Variants in BCAS3 observed in about 807,000 individuals in gnomAD.
BCAS3 encodes the protein BCAS3 microtubule associated cell migration factor.
BCAS3 carries 53 observed loss-of-function variants against 116.1 expected under a neutral mutation model. The observed-to-expected ratio is 0.46, with a 90% CI of 0.37 to 0.57. BCAS3 has a LOEUF of 0.57. BCAS3 is among the 20% of genes least tolerant of loss of function. The pLI is 0.00. For synonymous variants in BCAS3, 391 were observed against 408.2 expected, an observed-to-expected ratio of 0.96 and a Z score of 0.51; for missense variants, 917 against 1,165.4, an observed-to-expected ratio of 0.79 and a Z score of 3.10.
intron 22 of BCAS3, among the ~76,000 whole-genome samples, chr17:61,201,194 A>G (rs2080796579): frequency 6.6e-6 from 1 of 152,260 alleles, no homozygotes; most frequent in South Asian, 2.1e-4. Context: ...ATTCGCAGGT[A>G]TCTGCTAGAG....
chr17:60,771,890 CT>C (rs1296361863), intron 6 of BCAS3, among the ~76,000 whole-genome samples: 3 of 152,124 alleles, frequency 2.0e-5, no homozygotes, highest in Non-Finnish European at 4.4e-5. Context: ...TGAGCTCATC[CT>C]TTTTTATGGC....
intron 23 of BCAS3, among the ~76,000 whole-genome samples, chr17:61,371,449 C>T (rs578075453): frequency 2.6e-5 from 4 of 152,238 alleles, no homozygotes; most frequent in Non-Finnish European, 5.9e-5. Context: ...TGAAGGATAG[C>T]TTTGGTCAAA....
At chr17:60,919,998 A>T (rs939114347) in intron 12 of BCAS3, among the ~76,000 whole-genome samples, 1 of 152,164 alleles carries the variant, frequency 6.6e-6, no homozygotes, top group Non-Finnish European at 1.5e-5. Flanking sequence ...GCAAACTTAA[A>T]ATCCAGTTAT....
intron 9 of BCAS3, among the ~76,000 whole-genome samples, chr17:60,876,744 TGAG>T (rs970765577): frequency 2.5e-4 from 38 of 152,276 alleles, no homozygotes; most frequent in African/African-American, 9.1e-4. Flanking sequence ...CTGCCTCTCT[TGAG>T]GCACTTACAT....
Position 61,078,499 on chromosome 17 carries a change from A to G in BCAS3, c.2297A>G (p.Asp766Gly), listed in dbSNP as rs147900116. The G allele has an allele frequency of 6.2e-7, 1 of 1,614,108 alleles. No homozygotes were observed. Among genetic ancestry groups the G allele is most frequent in the Admixed American group, 1.7e-5 (1 of 60,020 alleles). The change falls in exon 21 of 24, where the codon GAT becomes GGT. Residue 766 changes from aspartate (D) to glycine (G), a missense_variant. Asp to Gly is a moderately conservative substitution (Grantham distance 94). Coordinates refer to ENST00000407086, the MANE Select transcript of BCAS3 (RefSeq NM_017679.5). ...SDTPQPLLDF[D>G]TDDLDLNSLR... is the part of the protein sequence containing the mutation. Reference sequence around the variant, plus strand: ...ACGCCACAGCCTCTTTTGGATTTTGATACAGATGATCTTGATCTCAACAGT... The same window carrying G: ...ACGCCACAGCCTCTTTTGGATTTTGGTACAGATGATCTTGATCTCAACAGT...
intron 15 of BCAS3, among the ~76,000 whole-genome samples, chr17:61,000,068 T>C (rs1178846022): frequency 3.3e-5 from 5 of 152,212 alleles, no homozygotes; most frequent in Non-Finnish European, 7.4e-5. Flanking sequence ...AATCATATTG[T>C]TGGTAAAGAG....
chr17:60,937,972 C>G (rs2060021698), intron 13 of BCAS3, among the ~76,000 whole-genome samples: 1 of 152,148 alleles, frequency 6.6e-6, no homozygotes, highest in African/African-American at 2.4e-5. Context: ...ACACCAGAAA[C>G]TAACACTCAT....
chr17:60,847,980 C>G (rs1457615332), intron 7 of BCAS3, among the ~76,000 whole-genome samples: 1 of 152,128 alleles, frequency 6.6e-6, no homozygotes, highest in Non-Finnish European at 1.5e-5. Context: ...TGGGTTAGAA[C>G]TATTTTGAGT....
chr17:60,836,049 AC>A (rs1470742762), intron 7 of BCAS3, among the ~76,000 whole-genome samples: 13 of 152,120 alleles, frequency 8.5e-5, no homozygotes, highest in African/African-American at 3.1e-4. Flanking sequence ...TTTTAGGGTC[AC>A]AGCAAAATTG....
Position 60,708,840 on chromosome 17 carries a change from A to G in BCAS3, c.215-379A>G, listed in dbSNP as rs375143778. ...ACCGGGCCCAGCCTATTTATTTGAA[A>G]TAGAGACAGGATCTTGCTGTGTTGC... On this transcript the variant is annotated intron_variant, in intron 4 of 23. Coordinates refer to ENST00000407086, the MANE Select transcript of BCAS3 (RefSeq NM_017679.5). Among the ~76,000 whole-genome samples, 16 of 152,192 alleles carry G rather than the reference A, an allele frequency of 1.1e-4. No homozygotes were observed. The South Asian group carries it at 3.3e-3, about 32-fold the overall frequency.
In BCAS3 at chr17:61,171,796, A is replaced by C. The variant is rs2078855397; in HGVS notation, c.2425+87232A>C. ...CCACCATGCCCTGCTAATTAAAAAA[A>C]AATTTTTTTTTTTTTTTGTAGAAAT... On this transcript the variant is annotated intron_variant, in intron 22 of 23. Transcript: ENST00000407086. The surrounding 1 kb of genome is among the most constrained non-coding windows in gnomAD (Gnocchi z 4.1). 6.6e-6 allele frequency among the ~76,000 whole-genome samples: 1 copy of C among 151,652 alleles called. No homozygotes were observed.
In BCAS3 at chr17:61,026,931, G is replaced by A. The variant is rs376852867; in HGVS notation, c.1638-7735G>A. 2.9e-4 allele frequency: 468 copies of A among 1,590,764 alleles called. 3 individuals carry two copies. The highest frequency in any genetic ancestry group is 1.7e-5 in the Admixed American group (1 of 57,598). ...CCATGGTGAGTTCCAGTTCAGTCCC[G>A]CATGCCTCATTCATTTGCTGTACTC... On this transcript the variant is annotated intron_variant, in intron 16 of 23. Transcript: ENST00000407086. This position sits in a 1 kb window ranked among gnomAD's most constrained non-coding sequence, Gnocchi z 5.0.
intron 22 of BCAS3, among the ~76,000 whole-genome samples, chr17:61,153,993 A>C (rs1156841564): frequency 6.6e-6 from 1 of 152,216 alleles, no homozygotes; most frequent in Non-Finnish European, 1.5e-5. Flanking sequence ...TTGCTAAAGA[A>C]ATTAAGAGGA....
At chr17:61,254,257 C>A (rs1345067436) in intron 22 of BCAS3, among the ~76,000 whole-genome samples, 2 of 152,218 alleles carry the variant, frequency 1.3e-5, no homozygotes, top group Non-Finnish European at 2.9e-5. Context: ...AGTGTCCCTT[C>A]AGGCCTCACA....
At chr17:60,717,993 G>A (rs2038827211) in intron 5 of BCAS3, among the ~76,000 whole-genome samples, 8 of 152,228 alleles carry the variant, frequency 5.3e-5, no homozygotes, top group Admixed American at 4.6e-4. Flanking sequence ...CTCATAAGGA[G>A]CACACAATCT....
chr17:60,722,709 C>T (rs1046818278), intron 5 of BCAS3, among the ~76,000 whole-genome samples: 5 of 148,600 alleles, frequency 3.4e-5, no homozygotes, highest in African/African-American at 5.0e-5. Flanking sequence ...TGCAGTGAGC[C>T]GAGATTGCGC....
intron 10 of BCAS3, among the ~76,000 whole-genome samples, chr17:60,895,150 G>A (rs1218473525): frequency 6.6e-6 from 1 of 151,974 alleles, no homozygotes; most frequent in African/African-American, 2.4e-5. Context: ...GATCTCTTTT[G>A]TACATTTGGT....
In BCAS3 at chr17:60,891,292, T is replaced by A. The variant is rs188251975; in HGVS notation, c.738+1521T>A. 4.0e-4 allele frequency among the ~76,000 whole-genome samples: 61 copies of A among 152,332 alleles called. No individual in the cohort carries two copies. In the East Asian group the frequency reaches 0.011, roughly 28 times the overall value. The stretch of plus-strand genomic sequence containing the variant: ...TGCCCATTTGGAAGTGGAGGTAATA[T>A]GTAAGTAGTTACATATTGCCTTTGA... On this transcript the variant is annotated intron_variant, in intron 10 of 23. Transcript: ENST00000407086.
chr17:61,085,345 A>T (rs1275502717), intron 22 of BCAS3, among the ~76,000 whole-genome samples: 1 of 152,210 alleles, frequency 6.6e-6, no homozygotes, highest in African/African-American at 2.4e-5. Context: ...ACTCGGCGTT[A>T]GTCAAACAGT....
Sources: allele counts gnomAD v4.1 joint callset (sites outside exome capture counted in the v4.1 genomes callset), GRCh38; gene constraint gnomAD v4.1.1; non-coding constraint Gnocchi (gnomAD v3.1); transcripts MANE v1.5; gene names NCBI Gene and HGNC (gene_info 2026-07-23, HGNC 2026-07-21).